Variants in ASB11 observed in about 807,000 individuals in gnomAD.
ASB11 encodes ankyrin repeat and SOCS box containing 11.
Under a neutral mutation model 20.1 loss-of-function variants are expected in ASB11, and 17 were observed. The ratio of observed to expected loss-of-function variants is 0.85; its 90% CI spans 0.58 to 1.27. The LOEUF (loss-of-function observed/expected upper bound fraction) is 1.27, where lower values mean the gene tolerates loss of function less well. ASB11 is among the 50% of genes most tolerant of loss of function. ASB11 has a pLI of 0.00. For synonymous variants in ASB11, 107 were observed against 105.6 expected (o/e 1.01, Z -0.08); for missense variants, 259 against 256.9 (o/e 1.01, Z -0.06).
chrX:15,284,968 T>G (rs925230295), intron 6 of ASB11, among the ~76,000 whole-genome samples: 3 of 111,191 alleles, frequency 2.7e-5, no homozygotes, highest in Admixed American at 9.6e-5. Flanking sequence ...GAAAGCTACC[T>G]GGAGGACCAA....
At chrX:15,287,741 G>A in intron 6 of ASB11, 140 bp downstream of exon 6, 1 of 681,936 alleles carries the variant, frequency 1.5e-6, no homozygotes, top group Non-Finnish European at 2.1e-6. Flanking sequence ...AGACAGGTCA[G>A]TGACGGCAGG....
intron 6 of ASB11, among the ~76,000 whole-genome samples, chrX:15,283,998 A>G (rs949396876): frequency 9.0e-6 from 1 of 110,835 alleles, no homozygotes; most frequent in African/African-American, 3.3e-5. Flanking sequence ...CACGCCTGTA[A>G]TCCCAGCACT....
At chrX:15,306,703 A>AAAC (rs767262827) in intron 1 of ASB11, among the ~76,000 whole-genome samples, 2,189 of 109,614 alleles carry the variant, frequency 0.02, 32 homozygotes, top group Middle Eastern at 0.056. Flanking sequence ...ACTTTGTCTC[A>AAAC]AACAACAACA....
chrX:15,307,545 C>T (rs1921283612), intron 1 of ASB11, among the ~76,000 whole-genome samples: 1 of 112,220 alleles, frequency 8.9e-6, no homozygotes, highest in Non-Finnish European at 1.9e-5. Context: ...TGACAGAAGG[C>T]GGAGCTCAAG....
chrX:15,313,989 C>T (rs1265791395), intron 1 of ASB11, among the ~76,000 whole-genome samples: 3 of 94,722 alleles, frequency 3.2e-5, no homozygotes, highest in Admixed American at 1.4e-4. Context: ...ACCTGGGAGG[C>T]GGAGGTTGCA....
At chrX:15,301,088 A>G (rs942091044) in intron 2 of ASB11, among the ~76,000 whole-genome samples, 1 of 110,947 alleles carries the variant, frequency 9.0e-6, no homozygotes, top group Non-Finnish European at 1.9e-5. Context: ...TCAGCCTCCC[A>G]AGTAGCTGGG....
At chrX:15,292,178 A>G (rs938154905) in intron 4 of ASB11, among the ~76,000 whole-genome samples, 1 of 112,505 alleles carries the variant, frequency 8.9e-6, no homozygotes, top group Non-Finnish European at 1.9e-5. Flanking sequence ...CATTTAGAAC[A>G]TAAAATACAT....
intron 2 of ASB11, among the ~76,000 whole-genome samples, chrX:15,300,371 T>C (rs998364258): frequency 1.8e-5 from 2 of 112,624 alleles, no homozygotes; most frequent in African/African-American, 6.4e-5. Flanking sequence ...TTTACTCACA[T>C]TTACTCACAT....
intron 6 of ASB11, 137 bp from the exon 7 acceptor site, chrX:15,283,766 A>G (rs1047055246): frequency 8.6e-6 from 6 of 701,019 alleles, no homozygotes; most frequent in Non-Finnish European, 1.3e-5. Context: ...CTATAGAATG[A>G]GGTAGCGGAC....
At chrX:15,304,179 G>A (rs56075342) in intron 1 of ASB11, among the ~76,000 whole-genome samples, 1,170 of 112,554 alleles carry the variant, frequency 0.01, 13 homozygotes, top group African/African-American at 0.036. Context: ...TTGGTGAAAC[G>A]AAAATCCCAG....
intron 2 of ASB11, among the ~76,000 whole-genome samples, chrX:15,301,514 CAG>C (rs200347568): frequency 1.8e-5 from 2 of 108,514 alleles, no homozygotes; most frequent in Non-Finnish European, 3.8e-5. Flanking sequence ...CACACACAGA[CAG>C]AGAGAGAGAG....
chrX:15,313,029 T>C (rs1921486870), intron 1 of ASB11, among the ~76,000 whole-genome samples: 2 of 110,282 alleles, frequency 1.8e-5, no homozygotes, highest in Non-Finnish European at 3.8e-5. Context: ...CTGTTAACAG[T>C]GGTATCAAAA....
Position 15,286,580 on chromosome X carries a change from G to A in ASB11, c.847+1301C>T, listed in dbSNP as rs182898999. Among the ~76,000 whole-genome samples, 165 of 104,150 alleles carry A rather than the reference G, an allele frequency of 1.6e-3. 1 individual carries two copies. The highest frequency in any genetic ancestry group is 5.6e-3 in the African/African-American group (157 of 28,051). The allele number at this position is 104,150 out of a possible 115,157, so 90.4% of individuals were successfully genotyped here. ...CTCAGGAGGCTGAGGCAGAAAAATCGCTTGAACCCGGGAGGCAGAGGTTGC... is the reference window on the plus strand; with the variant it reads ...CTCAGGAGGCTGAGGCAGAAAAATCACTTGAACCCGGGAGGCAGAGGTTGC... On this transcript the variant is annotated intron_variant, in intron 6 of 6. Coordinates refer to ENST00000480796, the MANE Select transcript of ASB11 (RefSeq NM_080873.3).
Position 15,309,055 on chromosome X carries a change from TACAG to T in ASB11, c.182-6252_182-6249del, listed in dbSNP as rs773254084. ...CCTCAGCCTCCCGAGTAGCTGGGAC[TACAG>T]ACACACATCACCACTCCCAGCTAAT... is the stretch of plus-strand genomic sequence containing the variant. On this transcript the variant is annotated intron_variant, in intron 1 of 6. Coordinates refer to ENST00000480796, the MANE Select transcript of ASB11 (RefSeq NM_080873.3). 3.6e-4 allele frequency among the ~76,000 whole-genome samples: 40 copies of T among 111,566 alleles called. No homozygotes were observed. The South Asian group carries it at 0.015, about 41-fold the overall frequency.
chrX:15,293,020 G>T, intron 4 of ASB11, 150 bp downstream of exon 4: 1 of 741,841 alleles, frequency 1.3e-6, no homozygotes, highest in Non-Finnish European at 1.9e-6. Context: ...TAGGCAAATT[G>T]AAGTTACTGC....
chrX:15,293,310 A>C lies in ASB11; in HGVS notation c.380T>G (p.Val127Gly), dbSNP rs1927582256. ...GAGGGGTGTGGCTCCGTGAACTGTCACTCCATTGACCTAATGATGGGCAAA... is the reference window on the plus strand; with the variant it reads ...GAGGGGTGTGGCTCCGTGAACTGTCCCTCCATTGACCTAATGATGGGCAAA... ...LLENGAHVNG[V>G]TVHGATPLFN... Residue 127 changes from valine to glycine, a missense_variant, in exon 4 of 7, where the codon GTG becomes GGG. Coordinates refer to ENST00000480796, the MANE Select transcript of ASB11 (RefSeq NM_080873.3). 1 of 1,204,621 alleles carries C rather than the reference A, an allele frequency of 8.3e-7. No individual in the cohort carries two copies. The highest frequency in any genetic ancestry group is 2.2e-5 in the Admixed American group (1 of 44,794).
chrX:15,314,057 C>CAA lies in ASB11; in HGVS notation c.181+1366_181+1367dup, dbSNP rs760402919. Among the ~76,000 whole-genome samples the CAA allele has an allele frequency of 8.8e-3, 294 of 33,556 alleles. 5 individuals carry two copies. Among genetic ancestry groups the CAA allele is most frequent in the East Asian group, 0.055 (64 of 1,166 alleles). The allele number at this position is 33,556 out of a possible 115,157, so 29.1% of individuals were successfully genotyped here. ...TAGGCTACAGAGCGAGACTCCATCTCAAAAAAAAAAAAAAAAAAAAAGAGT... is the reference window on the plus strand; with the variant it reads ...TAGGCTACAGAGCGAGACTCCATCTCAAAAAAAAAAAAAAAAAAAAAAAGAGT... On this transcript the variant is annotated intron_variant, in intron 1 of 6. Transcript: ENST00000480796.
At position 15,315,529 on chromosome X, in the gene ASB11, A is replaced by G. The variant is rs1326163741; in HGVS notation, c.77T>C (p.Leu26Pro). 1 of 1,192,919 alleles carries G rather than the reference A, an allele frequency of 8.4e-7. No homozygotes were observed. Among genetic ancestry groups the G allele is most frequent in the East Asian group, 3.0e-5 (1 of 33,544 alleles). The change falls in exon 1 of 7, where the codon CTT becomes CCT. Residue 26 changes from leucine (L) to proline (P), a missense_variant. Leu to Pro is a moderately conservative substitution (Grantham distance 98). Transcript: ENST00000480796. ...GAGAGCCAAAAAAACTTTAATTAAAAGCTTAAAGAAAAAAAACGTAGCAAA... is the reference window on the plus strand; with the variant it reads ...GAGAGCCAAAAAAACTTTAATTAAAGGCTTAAAGAAAAAAAACGTAGCAAA... Reference protein sequence around the residue: ...TMFATFFFFKLLIKVFLALLT... With the variant: ...TMFATFFFFKPLIKVFLALLT...
At chrX:15,284,284 AAAGT>A (rs1927310304) in intron 6 of ASB11, among the ~76,000 whole-genome samples, 2 of 109,127 alleles carry the variant, frequency 1.8e-5, no homozygotes, top group Admixed American at 2.0e-4. Context: ...AGAAAGAAAG[AAAGT>A]AATACACTGG....
Sources: allele counts gnomAD v4.1 joint callset (sites outside exome capture counted in the v4.1 genomes callset), GRCh38; gene constraint gnomAD v4.1.1; transcripts MANE v1.5; gene names NCBI Gene and HGNC (gene_info 2026-07-23, HGNC 2026-07-21).